The following SPON1 variants were observed in gnomAD, a reference collection of about 807,000 sequenced individuals.
The protein encoded by SPON1 is spondin 1, also known as spondin-1.
In SPON1, 52 loss-of-function variants were observed where a neutral mutation model predicts 111.7. That is an observed-to-expected ratio of 0.47 (90% CI 0.37 to 0.59). The LOEUF (loss-of-function observed/expected upper bound fraction) is 0.59, where lower values mean the gene tolerates loss of function less well. Ranked by LOEUF, SPON1 falls within the 20% of genes least tolerant of loss-of-function variation. The pLI is 0.00. For missense variants in SPON1, 957 were observed against 1,068.5 expected (o/e 0.90, Z 1.46); for synonymous variants, 410 against 395.8 (o/e 1.04, Z -0.43).
intron 10 of SPON1, 84 bp from the exon 11 acceptor site, chr11:14,257,632 G>C: frequency 7.6e-7 from 1 of 1,321,834 alleles, no homozygotes; most frequent in Non-Finnish European, 1.0e-6. Flanking sequence ...GGCTTTTCTT[G>C]TCCCCAGATA....
chr11:14,175,537 T>G (rs1848165509), intron 6 of SPON1, among the ~76,000 whole-genome samples: 1 of 152,140 alleles, frequency 6.6e-6, no homozygotes, highest in African/African-American at 2.4e-5. Context: ...AGACAAATTC[T>G]TATTACAAAG....
At chr11:14,250,321 T>A (rs1258189388) in intron 7 of SPON1, among the ~76,000 whole-genome samples, 1 of 151,754 alleles carries the variant, frequency 6.6e-6, no homozygotes, top group African/African-American at 2.4e-5. Flanking sequence ...CTGAAAGCTT[T>A]ATTTTTTTCT....
At chr11:14,019,726 T>G (rs1188304214) in intron 2 of SPON1, among the ~76,000 whole-genome samples, 2 of 152,204 alleles carry the variant, frequency 1.3e-5, no homozygotes, top group African/African-American at 4.8e-5. Flanking sequence ...CCTGGACTAG[T>G]AGCTCTGTGA....
chr11:14,079,831 A>G (rs369664556), intron 4 of SPON1, 68 bp from the exon 5 acceptor site: 9 of 1,573,374 alleles, frequency 5.7e-6, no homozygotes, highest in Middle Eastern at 1.7e-4. Flanking sequence ...AAATGAGACC[A>G]TGATAGCACC....
intron 2 of SPON1, among the ~76,000 whole-genome samples, chr11:14,007,617 C>T (rs901164063): frequency 6.6e-6 from 1 of 152,202 alleles, no homozygotes; most frequent in African/African-American, 2.4e-5. Context: ...CCCTCACAGA[C>T]ACACCCAGGG....
intron 14 of SPON1, among the ~76,000 whole-genome samples, chr11:14,262,048 T>G (rs954750206): frequency 1.3e-5 from 2 of 152,208 alleles, no homozygotes; most frequent in Non-Finnish European, 2.9e-5. Flanking sequence ...TGATGTGTTA[T>G]TTTCCTTTCA....
intron 15 of SPON1, among the ~76,000 whole-genome samples, chr11:14,263,642 C>T (rs1398131045): frequency 1.3e-5 from 2 of 152,148 alleles, no homozygotes; most frequent in African/African-American, 4.8e-5. Context: ...GAGGAATGAG[C>T]ATCATCTTAC....
chr11:14,123,230 C>A (rs1438288226), intron 5 of SPON1, among the ~76,000 whole-genome samples: 8 of 152,224 alleles, frequency 5.3e-5, no homozygotes, highest in African/African-American at 1.9e-4. Flanking sequence ...CCATGCCCAG[C>A]CATGTCTAGA....
intron 6 of SPON1, among the ~76,000 whole-genome samples, chr11:14,171,815 T>A (rs1554932514): frequency 1.3e-5 from 2 of 152,256 alleles, no homozygotes; most frequent in South Asian, 2.1e-4. Context: ...AGTGAGTTTC[T>A]TAATCCTGAG....
chr11:14,076,796 T>C (rs1848921587), intron 4 of SPON1, among the ~76,000 whole-genome samples: 1 of 152,172 alleles, frequency 6.6e-6, no homozygotes, highest in South Asian at 2.1e-4. Context: ...GAGAGAGAGT[T>C]GGATACCTTG....
Position 14,228,512 on chromosome 11 carries a change from A to G in SPON1, c.826-14820A>G, listed in dbSNP as rs1848763844. Among the ~76,000 whole-genome samples the G allele has an allele frequency of 6.6e-6, 1 of 152,124 alleles. No homozygotes were observed. On this transcript the variant is annotated intron_variant, in intron 6 of 15. Coordinates refer to ENST00000576479, the MANE Select transcript of SPON1 (RefSeq NM_006108.4). This position sits in a 1 kb window ranked among gnomAD's most constrained non-coding sequence, Gnocchi z 4.2. ...GCCCAACAAAGACCTCTACCAACCA[A>G]CTCACTGGGCTGGGTGGCTCTTCAG...
intron 6 of SPON1, among the ~76,000 whole-genome samples, chr11:14,144,634 C>CAATAATAATAATAATAATAATAAT (rs71041573): frequency 7.0e-6 from 1 of 142,982 alleles, no homozygotes; most frequent in African/African-American, 2.6e-5. Context: ...ACTCCATCTC[C>CAATAATAATAATAATAATAATAAT]AATAATAATA....
At chr11:14,128,967 G>A (rs1285629241) in intron 5 of SPON1, among the ~76,000 whole-genome samples, 3 of 152,224 alleles carry the variant, frequency 2.0e-5, no homozygotes, top group Non-Finnish European at 4.4e-5. Context: ...GGGACAGAAG[G>A]CACCATGTCC....
chr11:14,212,519 A>C (rs192226830), intron 6 of SPON1, among the ~76,000 whole-genome samples: 17 of 152,290 alleles, frequency 1.1e-4, no homozygotes, highest in Admixed American at 2.6e-4. Context: ...GTCAGACCTG[A>C]ATTCTCATCC....
chr11:14,117,186 C>G (rs1849273136), intron 5 of SPON1, among the ~76,000 whole-genome samples: 1 of 152,088 alleles, frequency 6.6e-6, no homozygotes, highest in Admixed American at 6.5e-5. Flanking sequence ...CTTTTTCCTT[C>G]TTGCCTTATT....
rs1554921340 is a variant in SPON1 at position 14,075,462 on chromosome 11, A to G, written c.553+44A>G. 6.5e-6 allele frequency: 9 copies of G among 1,375,954 alleles called. No homozygotes were observed. The East Asian group carries it at 2.0e-4, about 30-fold the overall frequency. 85.2% of individuals were successfully genotyped at this position (1,375,954 alleles called of 1,614,324 possible). A position where few individuals can be genotyped will look rare whatever the true frequency, so the allele number is the denominator to read the frequency against. Reference sequence around the variant, plus strand: ...GGAGGGGGAGGGGCAGAGACATGGAAGGCAGCTCCTCCTGCACGATCCTCC... The same window carrying G: ...GGAGGGGGAGGGGCAGAGACATGGAGGGCAGCTCCTCCTGCACGATCCTCC... On this transcript the variant is annotated intron_variant, in intron 4 of 15. Transcript: ENST00000576479.
intron 1 of SPON1, among the ~76,000 whole-genome samples, chr11:13,976,075 A>T (rs532633742): frequency 6.6e-6 from 1 of 152,192 alleles, no homozygotes; most frequent in African/African-American, 2.4e-5. Context: ...AGGCGATATC[A>T]TCAACCTCTT....
intron 7 of SPON1, 95 bp downstream of exon 7, chr11:14,243,491 A>G: frequency 1.7e-5 from 17 of 1,010,266 alleles, no homozygotes; most frequent in Non-Finnish European, 2.4e-5. Context: ...TATGCTGTTG[A>G]AGTTAGCACT....
At chr11:14,158,128 G>T (rs1277045057) in intron 6 of SPON1, among the ~76,000 whole-genome samples, 2 of 152,222 alleles carry the variant, frequency 1.3e-5, no homozygotes, top group East Asian at 1.9e-4. Context: ...CTAGCAGGCA[G>T]TTGGAGTATG....
Sources: gnomAD v4.1 joint callset for allele counts (sites outside exome capture counted in the v4.1 genomes callset) on GRCh38, gnomAD v4.1.1 for gene constraint, Gnocchi (gnomAD v3.1) non-coding constraint, MANE v1.5 for transcripts, NCBI Gene and HGNC (gene_info 2026-07-23, HGNC 2026-07-21) for gene names.